The following C20orf203 variants were observed in gnomAD, a reference collection of about 807,000 sequenced individuals.
C20orf203 encodes uncharacterized protein C20orf203.
In C20orf203, 16 loss-of-function variants were observed where a neutral mutation model predicts 15.9. That is an observed-to-expected ratio of 1.01 (90% CI 0.68 to 1.53). C20orf203 has a LOEUF of 1.53. C20orf203 is among the 40% of genes most tolerant of loss of function. C20orf203 has a pLI of 0.00. For synonymous variants in C20orf203, 98 were observed against 97.2 expected (o/e 1.01, Z -0.05); for missense variants, 263 against 247.5 (o/e 1.06, Z -0.42).
intron 1 of C20orf203, among the ~76,000 whole-genome samples, chr20:32,662,371 G>T (rs983397637): frequency 2.6e-5 from 4 of 152,156 alleles, no homozygotes; most frequent in African/African-American, 9.7e-5. Flanking sequence ...GGTCAAGGGG[G>T]CAGGCAGATC....
chr20:32,656,871 A>AAAAAAAAAAAAAC (rs1982769860), intron 1 of C20orf203: 1 of 151,948 alleles, frequency 6.6e-6, no homozygotes, highest in Non-Finnish European at 1.5e-5. Context: ...CTCAAAAAAA[A>AAAAAAAAAAAAAC]AATCTTACAT....
At position 32,638,530 on chromosome 20, in the gene C20orf203, G is replaced by C. The variant is rs1038861238; in HGVS notation, c.*1299+2036C>G. On this transcript the variant is annotated intron_variant, in intron 5 of 5. Coordinates refer to ENST00000608990, the MANE Select transcript of C20orf203 (RefSeq NM_182584.4). ...TTTACAGCAGGTCCAGGACACCAGA[G>C]GAGTCTGAGGTCCCACTTGGTGGCC... Among the ~76,000 whole-genome samples the C allele has an allele frequency of 7.2e-5, 11 of 152,318 alleles. No homozygotes were observed. The South Asian group carries it at 1.5e-3, about 20-fold the overall frequency.
intron 1 of C20orf203, among the ~76,000 whole-genome samples, chr20:32,668,828 A>G (rs1983096558): frequency 6.6e-6 from 1 of 152,008 alleles, no homozygotes; most frequent in South Asian, 2.1e-4. Flanking sequence ...AAATAAATAA[A>G]TAAATGAATA....
At chr20:32,659,334 G>C (rs1982836330) in intron 1 of C20orf203, among the ~76,000 whole-genome samples, 1 of 152,238 alleles carries the variant, frequency 6.6e-6, no homozygotes, top group African/African-American at 2.4e-5. Flanking sequence ...CTGGGCAGGA[G>C]GCCTGGGGCT....
At chr20:32,665,158 C>A (rs549856504) in intron 1 of C20orf203, among the ~76,000 whole-genome samples, 1 of 152,202 alleles carries the variant, frequency 6.6e-6, no homozygotes. Flanking sequence ...CCACGCAAGG[C>A]CCAAAGCCCC....
chr20:32,670,100 C>T (rs756213671), intron 1 of C20orf203, among the ~76,000 whole-genome samples: 1 of 152,186 alleles, frequency 6.6e-6, no homozygotes, highest in Non-Finnish European at 1.5e-5. Flanking sequence ...ATCCCAGCTA[C>T]TCAGGAGGCT....
intron 1 of C20orf203, among the ~76,000 whole-genome samples, chr20:32,663,732 A>G (rs1353091811): frequency 2.0e-5 from 3 of 152,240 alleles, no homozygotes; most frequent in Non-Finnish European, 2.9e-5. Flanking sequence ...TCCCCTCCAC[A>G]GCCAGGATGG....
intron 1 of C20orf203, among the ~76,000 whole-genome samples, chr20:32,666,155 T>TAAAAAAAAAAAAAAAAAAAAAGAAAA (rs1983016576): frequency 9.7e-6 from 1 of 102,776 alleles, no homozygotes. Flanking sequence ...ATAAATAAAG[T>TAAAAAAAAAAAAAAAAAAAAAGAAAA]AAAAAAAAAA....
intron 1 of C20orf203, among the ~76,000 whole-genome samples, chr20:32,662,951 A>AGTT (rs1982929152): frequency 8.3e-6 from 1 of 120,780 alleles, no homozygotes; most frequent in South Asian, 2.4e-4. Context: ...ATATAAATAT[A>AGTT]GTTTTTTTTT....
intron 4 of C20orf203, among the ~76,000 whole-genome samples, chr20:32,645,380 C>CTGGG (rs926860614): frequency 2.6e-5 from 4 of 152,316 alleles, no homozygotes; most frequent in African/African-American, 9.6e-5. Flanking sequence ...GGCACTCAGG[C>CTGGG]TGGGGGTGTA....
intron 1 of C20orf203, among the ~76,000 whole-genome samples, chr20:32,667,687 T>G (rs1183884868): frequency 6.6e-6 from 1 of 152,230 alleles, no homozygotes; most frequent in Non-Finnish European, 1.5e-5. Flanking sequence ...CTTTTATTTT[T>G]TTAGACAGAG....
intron 4 of C20orf203, among the ~76,000 whole-genome samples, chr20:32,644,999 C>T (rs890559192): frequency 2.0e-5 from 3 of 152,064 alleles, no homozygotes; most frequent in Non-Finnish European, 4.4e-5. Flanking sequence ...TGCCACCACA[C>T]GCCCCAAACC....
intron 1 of C20orf203, among the ~76,000 whole-genome samples, chr20:32,671,572 G>A (rs536933577): frequency 6.6e-6 from 1 of 152,350 alleles, no homozygotes; most frequent in African/African-American, 2.4e-5. Flanking sequence ...GCCAGGCACA[G>A]TGGCTCACGC....
At chr20:32,638,863 C>T (rs573596418) in intron 5 of C20orf203, among the ~76,000 whole-genome samples, 36 of 150,302 alleles carry the variant, frequency 2.4e-4, no homozygotes, top group Non-Finnish European at 2.5e-4. Context: ...CCTCCTCCTG[C>T]GCTCCCGGCA....
At position 32,632,181 on chromosome 20, in the gene C20orf203, G is replaced by C. The variant is rs1982013499; in HGVS notation, c.*3389C>G. On this transcript the variant is annotated 3_prime_UTR_variant, in exon 6 of 6. Transcript: ENST00000608990. ...GAGCCTCACAAATACCGCACTGGGGGAGGCAACAGCCCGTCTGTGCCCCTG... is the reference window on the plus strand; with the variant it reads ...GAGCCTCACAAATACCGCACTGGGGCAGGCAACAGCCCGTCTGTGCCCCTG... The C allele has an allele frequency of 6.6e-6, 1 of 152,258 alleles. No homozygotes were observed. The highest frequency in any genetic ancestry group is 2.1e-4 in the South Asian group (1 of 4,838). The allele number at this position is 152,258 out of a possible 1,614,324, so 9.4% of individuals were successfully genotyped here.
rs1487128697 is a variant in C20orf203 at position 32,650,370 on chromosome 20, G to T, written c.*62C>A. 2.5e-6 allele frequency: 3 copies of T among 1,209,874 alleles called. No individual in the cohort carries two copies. Among genetic ancestry groups the T allele is most frequent in the Admixed American group, 4.1e-5 (2 of 48,378 alleles). 74.9% of individuals were successfully genotyped at this position (1,209,874 alleles called of 1,614,324 possible). On this transcript the variant is annotated 3_prime_UTR_variant, in exon 4 of 6. Transcript: ENST00000608990. Reference sequence around the variant, plus strand: ...GGGGTGGTAACAGGGGACACCCTGAGGTGGTGGTGGCCTTGGTAGGACAGG... The same window carrying T: ...GGGGTGGTAACAGGGGACACCCTGATGTGGTGGTGGCCTTGGTAGGACAGG...
At chr20:32,648,624 G>T (rs62209288) in intron 4 of C20orf203, among the ~76,000 whole-genome samples, 54,615 of 124,530 alleles carry the variant, frequency 0.44, 11,947 homozygotes, top group African/African-American at 0.56. Context: ...TTTTTTGTGT[G>T]TGTGTTTTTA....
intron 4 of C20orf203, among the ~76,000 whole-genome samples, chr20:32,647,354 C>T (rs575011039): frequency 6.8e-6 from 1 of 147,896 alleles, no homozygotes; most frequent in African/African-American, 2.5e-5. Context: ...GAGATCCTGC[C>T]ATTGCACTCC....
At chr20:32,660,080 G>A (rs1320885248) in intron 1 of C20orf203, among the ~76,000 whole-genome samples, 2 of 152,020 alleles carry the variant, frequency 1.3e-5, no homozygotes, top group African/African-American at 4.8e-5. Flanking sequence ...CCATTTTAAA[G>A]GCCCAGGGAG....
Sources: gnomAD v4.1 joint callset for allele counts (sites outside exome capture counted in the v4.1 genomes callset) on GRCh38, gnomAD v4.1.1 for gene constraint, MANE v1.5 for transcripts, NCBI Gene and HGNC (gene_info 2026-07-23, HGNC 2026-07-21) for gene names.